The following JAK1 variants were observed in gnomAD, a reference collection of about 807,000 sequenced individuals.
JAK1 encodes the protein tyrosine-protein kinase JAK1.
A neutral mutation model predicts 136.6 loss-of-function variants in JAK1; 16 were observed. The ratio of observed to expected loss-of-function variants is 0.12; its 90% confidence interval spans 0.08 to 0.18. The LOEUF (loss-of-function observed/expected upper bound fraction) is 0.18. JAK1 is among the 10% of genes least tolerant of loss of function. The pLI is 1.00. For missense variants in JAK1, 859 were observed against 1,450.1 expected, an observed-to-expected ratio of 0.59 and a Z score of 6.62; for synonymous variants, 492 against 519.5, an observed-to-expected ratio of 0.95 and a Z score of 0.72.
rs549619836 is a variant in JAK1 at position 64,959,383 on chromosome 1, C to T, written c.-78+6950G>A. 8.5e-5 allele frequency among the ~76,000 whole-genome samples: 13 copies of T among 152,288 alleles called. No individual in the cohort carries two copies. In the South Asian group the frequency reaches 2.7e-3, roughly 32 times the overall value. ...AAACAGAAACTGTAAAAGGGCATTC[C>T]ATAGAAACTGAATACATATTTGAGA... On this transcript the variant is annotated intron_variant, in intron 1 of 24. Transcript: ENST00000342505.
chr1:65,043,852 G>C (rs941748699), intron 2 of JAK1, among the ~76,000 whole-genome samples: 7 of 151,978 alleles, frequency 4.6e-5, no homozygotes, highest in Non-Finnish European at 1.0e-4. Flanking sequence ...CTCCCAAGTA[G>C]CTGGGATTAC....
rs1232522009 is a variant in JAK1 at position 64,833,460 on chromosome 1, C to T, written c.*1102G>A. 1.7e-5 allele frequency: 4 copies of T among 232,814 alleles called. No homozygotes were observed. The highest frequency in any genetic ancestry group is 6.0e-5 in the East Asian group (1 of 16,538). 14.4% of individuals were successfully genotyped at this position (232,814 alleles called of 1,614,324 possible). A position where few individuals can be genotyped will look rare whatever the true frequency, so the allele number is the denominator to read the frequency against. Reference sequence around the variant, plus strand: ...TTTTCAGACTCTTGGTCATAAAGACCGTAATCGTTCACATTGAATCAATGA... The same window carrying T: ...TTTTCAGACTCTTGGTCATAAAGACTGTAATCGTTCACATTGAATCAATGA... On this transcript the variant is annotated 3_prime_UTR_variant, in exon 25 of 25. Transcript: ENST00000342505.
At chr1:64,900,419 G>A (rs1645086484) in intron 1 of JAK1, among the ~76,000 whole-genome samples, 1 of 150,636 alleles carries the variant, frequency 6.6e-6, no homozygotes, top group Admixed American at 6.6e-5. Context: ...AGCGAGTTCT[G>A]GGGACAGTAA....
At chr1:64,911,799 A>T (rs1260370416) in intron 1 of JAK1, among the ~76,000 whole-genome samples, 1 of 152,180 alleles carries the variant, frequency 6.6e-6, no homozygotes, top group Non-Finnish European at 1.5e-5. Flanking sequence ...TCATATTTTG[A>T]TTATTTTACA....
At position 64,873,482 on chromosome 1, in the gene JAK1, T is replaced by A. The variant is rs756114832; in HGVS notation, c.371A>T (p.Gln124Leu). The change falls in exon 5 of 25, where the codon CAG (glutamine) becomes CTG (leucine). Residue 124 changes from glutamine (Q) to leucine (L), a missense_variant. Around this residue, in one of 4 missense-constraint regions of JAK1, gnomAD observed 353 missense variants for 494.0 expected, o/e 0.71. Coordinates refer to ENST00000342505, the MANE Select transcript of JAK1 (RefSeq NM_002227.4). ...CTTTGGAGAATGACGCCACACTGACTGCTCATTGTCGTTGGTTCCATGCCA... is the reference window on the plus strand; with the variant it reads ...CTTTGGAGAATGACGCCACACTGACAGCTCATTGTCGTTGGTTCCATGCCA... ...TNWHGTNDNE[Q>L]SVWRHSPKKQ... The A allele has an allele frequency of 6.2e-7, 1 of 1,614,102 alleles. No homozygotes were observed. The highest frequency in any genetic ancestry group is 8.5e-7 in the Non-Finnish European group (1 of 1,180,028).
At chr1:64,934,699 G>A (rs940265192) in intron 1 of JAK1, among the ~76,000 whole-genome samples, 15 of 152,170 alleles carry the variant, frequency 9.9e-5, no homozygotes, top group African/African-American at 2.4e-4. Flanking sequence ...TCATCTTTCC[G>A]GTGAAGTCCT....
intron 15 of JAK1, 39 bp downstream of exon 15, chr1:64,845,474 T>C (rs1655170188): frequency 6.2e-7 from 1 of 1,612,992 alleles, no homozygotes; most frequent in African/African-American, 1.3e-5. Context: ...GACACTCTGG[T>C]TTCTGGTGGG....
At position 64,862,217 on chromosome 1, in the gene JAK1, C is replaced by A. The variant is rs563821482; in HGVS notation, c.1177-1955G>T. ...AGAGCCAGCTGCTCTGGGTTCAAATCGCAGCCTCTCCACCTGCTAGTAGGG... is the reference window on the plus strand; with the variant it reads ...AGAGCCAGCTGCTCTGGGTTCAAATAGCAGCCTCTCCACCTGCTAGTAGGG... On this transcript the variant is annotated intron_variant, in intron 8 of 24. Transcript: ENST00000342505. 3.3e-5 allele frequency among the ~76,000 whole-genome samples: 5 copies of A among 152,186 alleles called. No homozygotes were observed. In the East Asian group the frequency reaches 7.7e-4, roughly 23 times the overall value.
chr1:64,901,943 C>T (rs1645111860), intron 1 of JAK1, among the ~76,000 whole-genome samples: 1 of 152,150 alleles, frequency 6.6e-6, no homozygotes, highest in Admixed American at 6.5e-5. Flanking sequence ...TGCACCAGTG[C>T]TTCATTCTTT....
At chr1:64,847,407 G>T in intron 13 of JAK1, 125 bp downstream of exon 13, 1 of 1,166,280 alleles carries the variant, frequency 8.6e-7, no homozygotes, top group Non-Finnish European at 1.2e-6. Flanking sequence ...AAAAAATTCT[G>T]AGTAAAAGGC....
At chr1:64,857,459 C>T (rs310227) in intron 10 of JAK1, among the ~76,000 whole-genome samples, 197 bp downstream of exon 10, 52,607 of 152,016 alleles carry the variant, frequency 0.35, 10,671 homozygotes, top group African/African-American at 0.57. Context: ...GGGGAGGATG[C>T]AGGGGTCTGG....
At chr1:64,895,000 C>T (rs961748348) in intron 1 of JAK1, among the ~76,000 whole-genome samples, 1 of 152,164 alleles carries the variant, frequency 6.6e-6, no homozygotes, top group Non-Finnish European at 1.5e-5. Context: ...GCGGCAGCAG[C>T]ATCAGGGCAG....
chr1:65,062,053 A>C (rs1456237725), intron 1 of JAK1, among the ~76,000 whole-genome samples: 1 of 152,076 alleles, frequency 6.6e-6, no homozygotes, highest in Non-Finnish European at 1.5e-5. Context: ...CGAAAAAAAA[A>C]CCCTATGGAC....
intron 2 of JAK1, among the ~76,000 whole-genome samples, chr1:65,000,598 TTAAA>T (rs1646746680): frequency 6.6e-6 from 1 of 152,202 alleles, no homozygotes; most frequent in African/African-American, 2.4e-5. Flanking sequence ...AGGGCTTTGG[TTAAA>T]TAAATGTACA....
chr1:64,844,296 T>G lies in JAK1; in HGVS notation c.2252-81A>C, dbSNP rs1398175997. 1.9e-6 allele frequency: 3 copies of G among 1,554,976 alleles called. No individual in the cohort carries two copies. Among genetic ancestry groups the G allele is most frequent in the Non-Finnish European group, 2.7e-6 (3 of 1,128,436 alleles). ...ATTACTGTCACTGCAGCCAGAACAG[T>G]GAGCCAATGAAGGAACTACTTCAAG... On this transcript the variant is annotated intron_variant, in intron 16 of 24. Transcript: ENST00000342505. The surrounding 1 kb of genome is among the most constrained non-coding windows in gnomAD (Gnocchi z 5.7).
At position 64,883,258 on chromosome 1, in the gene JAK1, G is replaced by A. The variant is rs372096943; in HGVS notation, c.205+19C>T. 265 of 1,600,540 alleles carry A rather than the reference G, an allele frequency of 1.7e-4. No individual in the cohort carries two copies. Among genetic ancestry groups the A allele is most frequent in the Non-Finnish European group, 2.2e-4 (255 of 1,171,614 alleles). On this transcript the variant is annotated intron_variant, in intron 3 of 24. Coordinates refer to ENST00000342505, the MANE Select transcript of JAK1 (RefSeq NM_002227.4). ...TGTGTTGGTGAAACCCCCAGCCCTG[G>A]GCAGCTGCCAGTACTCACGGCATGC...
chr1:64,850,034 G>A (rs764312568), intron 12 of JAK1, among the ~76,000 whole-genome samples: 4 of 152,194 alleles, frequency 2.6e-5, no homozygotes, highest in Non-Finnish European at 5.9e-5. Flanking sequence ...CTCCTTCACA[G>A]CAGGCAGCTT....
chr1:65,050,385 T>C (rs892644616), intron 1 of JAK1, among the ~76,000 whole-genome samples: 10 of 152,192 alleles, frequency 6.6e-5, no homozygotes, highest in Non-Finnish European at 1.0e-4. Flanking sequence ...CTCTGAGGAA[T>C]CAGTACTTAG....
chr1:64,913,655 A>G (rs77551030), intron 1 of JAK1, among the ~76,000 whole-genome samples: 3,251 of 34,418 alleles, frequency 0.094, 314 homozygotes, highest in African/African-American at 0.25. Context: ...AAGGAAGGAA[A>G]GAAGGAAGGA....
Sources: allele counts gnomAD v4.1 joint callset (sites outside exome capture counted in the v4.1 genomes callset), GRCh38; gene constraint gnomAD v4.1.1; regional missense constraint gnomAD v4.1.1; non-coding constraint Gnocchi (gnomAD v3.1); transcripts MANE v1.5; gene names NCBI Gene and HGNC (gene_info 2026-07-23, HGNC 2026-07-21).